TP53I11: variants seen among roughly 807,000 people sequenced by gnomAD.
The protein encoded by TP53I11 is tumor protein p53-inducible protein 11.
Under a neutral mutation model 23.3 loss-of-function variants are expected in TP53I11, and 9 were observed. The observed-to-expected ratio is 0.39, with a 90% CI of 0.23 to 0.67. The LOEUF is 0.67. Among genes scored for constraint, TP53I11 ranks in the 30% least tolerant of loss-of-function variants. TP53I11 has a pLI of 0.48. For synonymous variants in TP53I11, 100 were observed against 106.1 expected (o/e 0.94, Z 0.35); for missense variants, 170 against 255.2 (o/e 0.67, Z 2.27).
intron 3 of TP53I11, 83 bp from the exon 4 acceptor site, chr11:44,937,435 T>C: frequency 6.7e-7 from 1 of 1,498,094 alleles, no homozygotes; most frequent in Non-Finnish European, 9.0e-7. Flanking sequence ...ATGGCAGCTT[T>C]GGGGAAGGTA....
In TP53I11 at chr11:44,933,029, CAG is replaced by C. The variant is rs1241988143; in HGVS notation, c.*1853_*1854del. 1 of 31,208 alleles carries C rather than the reference CAG, an allele frequency of 3.2e-5. No individual in the cohort carries two copies. The highest frequency in any genetic ancestry group is 3.8e-4 in the Admixed American group (1 of 2,662). The allele number at this position is 31,208 out of a possible 1,614,324, so 1.9% of individuals were successfully genotyped here. A position where few individuals can be genotyped will look rare whatever the true frequency, so the allele number is the denominator to read the frequency against. ...GCCCATTGGCGGCACCACCTGTGGG[CAG>C]CAGCGGGAGGCAGTGGTGGCTCGTG... On this transcript the variant is annotated 3_prime_UTR_variant, in exon 7 of 7. Coordinates refer to ENST00000525680, the MANE Select transcript of TP53I11 (RefSeq NM_006034.5).
At chr11:44,942,416 C>T (rs1367765280) in intron 1 of TP53I11, among the ~76,000 whole-genome samples, 1 of 135,242 alleles carries the variant, frequency 7.4e-6, no homozygotes, top group Non-Finnish European at 1.6e-5. Context: ...ACACACACCA[C>T]ACACACACAC....
chr11:44,947,902 T>C (rs747468601), intron 1 of TP53I11, among the ~76,000 whole-genome samples: 7 of 152,182 alleles, frequency 4.6e-5, no homozygotes, highest in Non-Finnish European at 1.0e-4. Context: ...ATAATGCTGC[T>C]CATTATTTTT....
At position 44,937,318 on chromosome 11, in the gene TP53I11, C is replaced by T. The variant is rs74820893; in HGVS notation, c.223G>A (p.Gly75Ser). The stretch of plus-strand genomic sequence containing the variant: ...TGGGGGCTCACCATGATGGCAATGC[C>T]GGAGAAGAGCACAGCAGAGACGAAC... The part of the protein sequence containing the change: ...WQFVSAVLFS[G>S]IAIMALAFPD... Residue 75 changes from glycine (G) to serine (S), a missense_variant, in exon 4 of 7, where the codon GGC becomes AGC. Gly to Ser is a moderately conservative substitution (Grantham distance 56). Coordinates refer to ENST00000525680, the MANE Select transcript of TP53I11 (RefSeq NM_006034.5). The T allele has an allele frequency of 2.0e-4, 294 of 1,501,630 alleles. 2 individuals are homozygous for T. In the East Asian group the frequency reaches 5.8e-3, roughly 30 times the overall value. 93.0% of individuals were successfully genotyped at this position (1,501,630 alleles called of 1,614,324 possible). A position where few individuals can be genotyped will look rare whatever the true frequency, so the allele number is the denominator to read the frequency against.
intron 6 of TP53I11, 38 bp downstream of exon 6, chr11:44,935,523 G>T: frequency 6.3e-7 from 1 of 1,589,396 alleles, no homozygotes; most frequent in Non-Finnish European, 8.6e-7. Context: ...GGGCGAAGCG[G>T]CCCATCAGCC....
intron 6 of TP53I11, among the ~76,000 whole-genome samples, 185 bp from the exon 7 acceptor site, chr11:44,935,202 A>C (rs1228721871): frequency 6.6e-6 from 1 of 152,140 alleles, no homozygotes; most frequent in African/African-American, 2.4e-5. Context: ...TTCTGCTCTG[A>C]TGTCTCCCAT....
At chr11:44,935,765 G>A (rs1369546282) in intron 5 of TP53I11, 103 bp from the exon 6 acceptor site, 7 of 808,826 alleles carry the variant, frequency 8.7e-6, no homozygotes, top group Non-Finnish European at 1.2e-5. Flanking sequence ...CTGCAAGACA[G>A]CTGGGGTCCT....
intron 1 of TP53I11, among the ~76,000 whole-genome samples, chr11:44,939,452 A>C (rs1002491254): frequency 2.6e-5 from 4 of 152,212 alleles, no homozygotes; most frequent in African/African-American, 7.2e-5. Context: ...AGCCATCCCC[A>C]TCTACAGACA....
chr11:44,948,035 G>T (rs1202414188), intron 1 of TP53I11, among the ~76,000 whole-genome samples: 2 of 152,190 alleles, frequency 1.3e-5, no homozygotes, highest in African/African-American at 4.8e-5. Flanking sequence ...ACTGGTCATA[G>T]GAAGGAAGTG....
chr11:44,946,139 G>C (rs184635099), intron 1 of TP53I11, among the ~76,000 whole-genome samples: 16 of 152,186 alleles, frequency 1.1e-4, no homozygotes, highest in Non-Finnish European at 2.4e-4. Context: ...AAGGCTGTCC[G>C]GGGGCTAGAG....
chr11:44,945,535 T>C (rs889819401), intron 1 of TP53I11, among the ~76,000 whole-genome samples: 2 of 151,770 alleles, frequency 1.3e-5, no homozygotes, highest in Non-Finnish European at 2.9e-5. Context: ...CTCTAACCCA[T>C]CTTCCCCATG....
At chr11:44,937,710 C>T (rs1162677903) in intron 2 of TP53I11, 97 bp from the exon 3 acceptor site, 1 of 1,330,474 alleles carries the variant, frequency 7.5e-7, no homozygotes, top group Non-Finnish European at 1.1e-6. Flanking sequence ...CAGGGACCAG[C>T]CTGGGCACCT....
intron 5 of TP53I11, 149 bp from the exon 6 acceptor site, chr11:44,935,811 A>C: frequency 1.6e-6 from 1 of 629,358 alleles, no homozygotes; most frequent in Non-Finnish European, 2.8e-6. Flanking sequence ...ACATTTCTCA[A>C]ATCAAAGCTG....
At position 44,936,137 on chromosome 11, in the gene TP53I11, C is replaced by G. The variant is rs946232346; in HGVS notation, c.335-475G>C. 7.0e-6 allele frequency: 6 copies of G among 858,474 alleles called. No individual in the cohort carries two copies. The African/African-American group carries it at 1.1e-4, about 16-fold the overall frequency. 53.2% of individuals were successfully genotyped at this position (858,474 alleles called of 1,614,324 possible). A position where few individuals can be genotyped will look rare whatever the true frequency, so the allele number is the denominator to read the frequency against. On this transcript the variant is annotated intron_variant, in intron 5 of 6. Coordinates refer to ENST00000525680, the MANE Select transcript of TP53I11 (RefSeq NM_006034.5). The surrounding 1 kb of genome is among the most constrained non-coding windows in gnomAD (Gnocchi z 4.4). Reference sequence around the variant, plus strand: ...AGTCCCCTGGGGGAGGGGGATGAACCATACTTTTTAGCAGAAGACCACTGA... The same window carrying G: ...AGTCCCCTGGGGGAGGGGGATGAACGATACTTTTTAGCAGAAGACCACTGA...
chr11:44,932,564 G>A lies in TP53I11; in HGVS notation c.*2320C>T, dbSNP rs1317954220. On this transcript the variant is annotated 3_prime_UTR_variant, in exon 7 of 7. Transcript: ENST00000525680. ...GGAGCGTAGAGCGGGCCCACACCGA[G>A]CTTTCCTCGCTGGACTTAAGGGCCC... 3.9e-5 allele frequency: 6 copies of A among 152,210 alleles called. No homozygotes were observed. Among genetic ancestry groups the A allele is most frequent in the African/African-American group, 1.4e-4 (6 of 41,414 alleles). 9.4% of individuals were successfully genotyped at this position (152,210 alleles called of 1,614,324 possible).
intron 4 of TP53I11, 127 bp from the exon 5 acceptor site, chr11:44,937,026 G>A (rs1861213131): frequency 1.3e-6 from 1 of 796,210 alleles, no homozygotes; most frequent in Non-Finnish European, 2.0e-6. Context: ...GCAGTCCAGG[G>A]TCTGGACCCA....
Sources: gnomAD v4.1 joint callset for allele counts (sites outside exome capture counted in the v4.1 genomes callset) on GRCh38, gnomAD v4.1.1 for gene constraint, Gnocchi (gnomAD v3.1) non-coding constraint, MANE v1.5 for transcripts, NCBI Gene and HGNC (gene_info 2026-07-23, HGNC 2026-07-21) for gene names.